Variants in BBX observed in about 807,000 individuals in gnomAD.
The protein encoded by BBX is HMG box transcription factor BBX.
Under a neutral mutation model 100.2 loss-of-function variants are expected in BBX, and 30 were observed. That is an observed-to-expected ratio of 0.30 (90% CI 0.22 to 0.41). The LOEUF is 0.41. BBX is among the 10% of genes least tolerant of loss of function. The probability of loss-of-function intolerance (pLI) is 1.00; values close to 1 mark genes in which losing one functional copy is unlikely to be tolerated. For missense variants in BBX, 1,023 were observed against 1,129.8 expected (o/e 0.91, Z 1.35); for synonymous variants, 376 against 388.1 (o/e 0.97, Z 0.37).
chr3:107,771,142 A>G (rs1025708548), intron 10 of BBX, among the ~76,000 whole-genome samples: 2 of 151,980 alleles, frequency 1.3e-5, no homozygotes, highest in African/African-American at 4.8e-5. Flanking sequence ...AATCGGCATC[A>G]TCAATCTCTT....
intron 14 of BBX, among the ~76,000 whole-genome samples, 153 bp downstream of exon 14, chr3:107,790,029 C>T (rs368901696): frequency 2.0e-5 from 3 of 152,058 alleles, no homozygotes. Flanking sequence ...TCATTCTTTC[C>T]GGACTCTGCA....
intron 13 of BBX, among the ~76,000 whole-genome samples, chr3:107,781,741 C>T (rs544439140): frequency 3.3e-5 from 5 of 152,226 alleles, no homozygotes; most frequent in African/African-American, 1.2e-4. Flanking sequence ...ATTAGACTCA[C>T]TTCTTCACCT....
chr3:107,735,696 C>T (rs1304662751), intron 7 of BBX, among the ~76,000 whole-genome samples: 1 of 151,902 alleles, frequency 6.6e-6, no homozygotes, highest in African/African-American at 2.4e-5. Flanking sequence ...GATTAAAAGC[C>T]TATACTGCTT....
intron 2 of BBX, among the ~76,000 whole-genome samples, chr3:107,586,916 A>C (rs780024297): frequency 3.3e-5 from 5 of 151,920 alleles, no homozygotes; most frequent in Non-Finnish European, 5.9e-5. Flanking sequence ...ATGTCCAGCT[A>C]ATTTTTGTAT....
chr3:107,574,281 T>C (rs2051604773), intron 2 of BBX, among the ~76,000 whole-genome samples: 1 of 152,184 alleles, frequency 6.6e-6, no homozygotes, highest in South Asian at 2.1e-4. Context: ...GGTAATCCAA[T>C]ATCACACACC....
chr3:107,544,921 G>A (rs1441358917), intron 2 of BBX, among the ~76,000 whole-genome samples: 2 of 151,798 alleles, frequency 1.3e-5, no homozygotes, highest in East Asian at 3.9e-4. Flanking sequence ...GGAGGCTGAG[G>A]CAGGAGAATG....
chr3:107,748,001 A>C lies in BBX; in HGVS notation c.787A>C (p.Lys263Gln). 1 of 1,613,590 alleles carries C rather than the reference A, an allele frequency of 6.2e-7. No individual in the cohort carries two copies. Among genetic ancestry groups the C allele is most frequent in the Admixed American group, 1.7e-5 (1 of 59,984 alleles). Residue 263 changes from lysine to glutamine, a missense_variant, in exon 9 of 18, where the codon AAG becomes CAG. Transcript: ENST00000325805. ...TACGTCCCACTCTGATGCTTCTACA[A>C]AGCAGTGTCAAACATCTGCCTTGTT... ...SSTSHSDAST[K>Q]QCQTSALFQF...
chr3:107,764,218 C>T (rs1325345910), intron 10 of BBX, among the ~76,000 whole-genome samples: 1 of 152,208 alleles, frequency 6.6e-6, no homozygotes, highest in Admixed American at 6.5e-5. Flanking sequence ...TCTCGAACTC[C>T]TGACCTCAGG....
At position 107,613,941 on chromosome 3, in the gene BBX, GTTTTTTTTTTT is replaced by G. The variant is rs533672871; in HGVS notation, c.-83-31876_-83-31866del. 3.0e-3 allele frequency among the ~76,000 whole-genome samples: 261 copies of G among 86,578 alleles called. 2 individuals are homozygous for G. The highest frequency in any genetic ancestry group is 0.01 in the African/African-American group (243 of 24,288). 56.8% of individuals were successfully genotyped at this position (86,578 alleles called of 152,430 possible). A position where few individuals can be genotyped will look rare whatever the true frequency, so the allele number is the denominator to read the frequency against. ...TGAAATTCAGGGTCAACATACCATG[GTTTTTTTTTTT>G]TTTTTTTTTTTTTTTTTTGAGATGG... is the stretch of plus-strand genomic sequence containing the variant. On this transcript the variant is annotated intron_variant, in intron 2 of 17. Transcript: ENST00000325805.
At chr3:107,633,576 C>G (rs1165728688) in intron 2 of BBX, among the ~76,000 whole-genome samples, 1 of 152,168 alleles carries the variant, frequency 6.6e-6, no homozygotes, top group African/African-American at 2.4e-5. Context: ...GCTCTCATTT[C>G]TTTTGTTTTT....
At chr3:107,728,466 C>A (rs1197847029) in intron 5 of BBX, among the ~76,000 whole-genome samples, 1 of 152,116 alleles carries the variant, frequency 6.6e-6, no homozygotes, top group Non-Finnish European at 1.5e-5. Flanking sequence ...CCATTATAAA[C>A]AACTCCCTTT....
intron 3 of BBX, among the ~76,000 whole-genome samples, chr3:107,652,545 C>G (rs149963952): frequency 5.4e-4 from 82 of 152,242 alleles, no homozygotes; most frequent in African/African-American, 1.9e-3. Flanking sequence ...AGGAATTTTA[C>G]CTGTGTATTT....
chr3:107,524,852 C>A (rs1318485694), intron 1 of BBX, among the ~76,000 whole-genome samples: 1 of 146,948 alleles, frequency 6.8e-6, no homozygotes, highest in African/African-American at 2.5e-5. Context: ...GGGATGGGGA[C>A]GGAGCGAGCT....
intron 2 of BBX, among the ~76,000 whole-genome samples, chr3:107,532,101 G>T (rs1157919893): frequency 6.6e-6 from 1 of 152,048 alleles, no homozygotes; most frequent in Admixed American, 6.5e-5. Flanking sequence ...GGCTGAGGTG[G>T]GAGGATCACT....
intron 3 of BBX, among the ~76,000 whole-genome samples, chr3:107,697,650 G>A (rs955825931): frequency 6.6e-6 from 1 of 151,882 alleles, no homozygotes; most frequent in Admixed American, 6.5e-5. Flanking sequence ...CTGTCTTTTT[G>A]TTTGTCTGTG....
At chr3:107,674,426 T>C (rs376335449) in intron 3 of BBX, among the ~76,000 whole-genome samples, 1 of 152,162 alleles carries the variant, frequency 6.6e-6, no homozygotes, top group Non-Finnish European at 1.5e-5. Flanking sequence ...TTTTAAACTT[T>C]TATATCACCT....
intron 3 of BBX, among the ~76,000 whole-genome samples, chr3:107,668,831 GAC>G (rs1177816854): frequency 6.6e-6 from 1 of 152,136 alleles, no homozygotes; most frequent in African/African-American, 2.4e-5. Context: ...TGGCTTCCAA[GAC>G]AGTTTTCACG....
chr3:107,754,547 AG>A lies in BBX; in HGVS notation c.826-1049del, dbSNP rs542290454. Among the ~76,000 whole-genome samples, 40 of 152,312 alleles carry A rather than the reference AG, an allele frequency of 2.6e-4. No homozygotes were observed. The South Asian group carries it at 6.9e-3, about 26-fold the overall frequency. Reference sequence around the variant, plus strand: ...CATTATTAAATACATGCTTCTACAAAGGCCTGTTATTCAGCAAGTATTCTAG... The same window carrying A: ...CATTATTAAATACATGCTTCTACAAAGCCTGTTATTCAGCAAGTATTCTAG... On this transcript the variant is annotated intron_variant, in intron 9 of 17. Transcript: ENST00000325805.
intron 3 of BBX, among the ~76,000 whole-genome samples, chr3:107,700,920 T>C (rs1362564558): frequency 6.6e-6 from 1 of 151,802 alleles, no homozygotes; most frequent in Non-Finnish European, 1.5e-5. Flanking sequence ...TGTGTCTTTA[T>C]AGCAGCATGA....
Sources: gnomAD v4.1 joint callset for allele counts (sites outside exome capture counted in the v4.1 genomes callset) on GRCh38, gnomAD v4.1.1 for gene constraint, MANE v1.5 for transcripts, NCBI Gene and HGNC (gene_info 2026-07-23, HGNC 2026-07-21) for gene names.